Variants in LRP1B observed in about 807,000 individuals in gnomAD.
LRP1B encodes low-density lipoprotein receptor-related protein 1B.
Under a neutral mutation model 556.6 loss-of-function variants are expected in LRP1B, and 217 were observed. The ratio of observed to expected loss-of-function variants is 0.39; its 90% CI spans 0.35 to 0.44. LRP1B has a LOEUF of 0.44. Among genes scored for constraint, LRP1B ranks in the 20% least tolerant of loss-of-function variants. The probability of loss-of-function intolerance (pLI) is 1.00; values close to 1 mark genes in which losing one functional copy is unlikely to be tolerated. For missense variants in LRP1B, 5,053 were observed against 5,620.8 expected (o/e 0.90, Z 3.23); for synonymous variants, 2,047 against 1,865.8 (o/e 1.10, Z -2.50).
intron 41 of LRP1B, among the ~76,000 whole-genome samples, chr2:140,651,814 G>C (rs10496851): frequency 0.062 from 9,432 of 152,168 alleles, 338 homozygotes; most frequent in Admixed American, 0.078. Flanking sequence ...CGAGTGGAAT[G>C]AACAGCAAAT....
At chr2:141,329,643 C>CAAAAAA (rs71391650) in intron 3 of LRP1B, among the ~76,000 whole-genome samples, 2 of 28,974 alleles carry the variant, frequency 6.9e-5, no homozygotes, top group South Asian at 1.1e-3. Flanking sequence ...GACTCTGTCT[C>CAAAAAA]AAAAAAAAAA....
intron 66 of LRP1B, among the ~76,000 whole-genome samples, chr2:140,392,828 A>C (rs115342755): frequency 0.016 from 2,502 of 152,198 alleles, 30 homozygotes; most frequent in Non-Finnish European, 0.026. Flanking sequence ...TTTCTGTACC[A>C]CTTTTTATCT....
At chr2:141,969,072 C>T (rs544146562) in intron 1 of LRP1B, among the ~76,000 whole-genome samples, 2 of 151,152 alleles carry the variant, frequency 1.3e-5, no homozygotes, top group East Asian at 1.9e-4. Flanking sequence ...CCTGGCTTGG[C>T]AACCTGCAAG....
At chr2:140,417,728 G>A (rs1422831570) in intron 66 of LRP1B, among the ~76,000 whole-genome samples, 1 of 152,144 alleles carries the variant, frequency 6.6e-6, no homozygotes, top group African/African-American at 2.4e-5. Context: ...GCCCCTGAAT[G>A]TGAGTCTACA....
At chr2:141,637,827 A>G (rs1689159364) in intron 2 of LRP1B, among the ~76,000 whole-genome samples, 1 of 152,182 alleles carries the variant, frequency 6.6e-6, no homozygotes, top group Non-Finnish European at 1.5e-5. Flanking sequence ...GGAGATATGA[A>G]TCATGGGGGC....
intron 3 of LRP1B, among the ~76,000 whole-genome samples, chr2:141,390,380 A>C (rs1690005555): frequency 6.6e-6 from 1 of 152,214 alleles, no homozygotes; most frequent in Non-Finnish European, 1.5e-5. Flanking sequence ...GGAGTAAAAA[A>C]CGTTTGGCAC....
chr2:140,451,017 C>A (rs1197022340), intron 62 of LRP1B, among the ~76,000 whole-genome samples: 1 of 152,188 alleles, frequency 6.6e-6, no homozygotes, highest in Non-Finnish European at 1.5e-5. Flanking sequence ...TCTCAGCTAT[C>A]TGGAACCTCA....
intron 1 of LRP1B, among the ~76,000 whole-genome samples, chr2:142,018,740 T>G (rs1006981982): frequency 1.2e-4 from 18 of 151,934 alleles, no homozygotes; most frequent in African/African-American, 4.3e-4. Context: ...ACTGAATAAT[T>G]GCTGAATTAG....
chr2:141,043,386 C>A (rs1039866125), intron 11 of LRP1B, among the ~76,000 whole-genome samples: 1 of 151,776 alleles, frequency 6.6e-6, no homozygotes, highest in Admixed American at 6.6e-5. Context: ...TTCATCAATG[C>A]CACAACAAAA....
intron 23 of LRP1B, among the ~76,000 whole-genome samples, chr2:140,893,168 A>G (rs1369713487): frequency 6.6e-6 from 1 of 152,200 alleles, no homozygotes; most frequent in Non-Finnish European, 1.5e-5. Context: ...TTCAAAAGAT[A>G]AAGAGAGGAA....
Position 140,993,876 on chromosome 2 carries a change from T to C in LRP1B, c.2644+119A>G. 4.9e-6 allele frequency: 5 copies of C among 1,018,680 alleles called. No homozygotes were observed. In the Admixed American group the frequency reaches 1.3e-4, roughly 26 times the overall value. 63.1% of individuals were successfully genotyped at this position (1,018,680 alleles called of 1,614,324 possible). ...TTTATGCAAAAGGATGACTGAAAAA[T>C]TAAACTAGGTTCAATCTGCATCAAA... On this transcript the variant is annotated intron_variant, in intron 16 of 90. Coordinates refer to ENST00000389484, the MANE Select transcript of LRP1B (RefSeq NM_018557.3).
At chr2:140,953,765 A>G (rs1010705504) in intron 18 of LRP1B, among the ~76,000 whole-genome samples, 6 of 152,200 alleles carry the variant, frequency 3.9e-5, no homozygotes, top group African/African-American at 1.4e-4. Context: ...AATTATGTCC[A>G]ATCATTTTAG....
At chr2:140,722,122 ATG>A (rs1354081824) in intron 35 of LRP1B, among the ~76,000 whole-genome samples, 1 of 152,222 alleles carries the variant, frequency 6.6e-6, no homozygotes, top group Admixed American at 6.5e-5. Context: ...AAATTACAGT[ATG>A]TACTCTTTGG....
At chr2:140,931,481 G>GAAA (rs36035792) in intron 20 of LRP1B, among the ~76,000 whole-genome samples, 1 of 148,576 alleles carries the variant, frequency 6.7e-6, no homozygotes, top group African/African-American at 2.5e-5. Flanking sequence ...AATGATAAGT[G>GAAA]AAAAAAAAAA....
intron 5 of LRP1B, among the ~76,000 whole-genome samples, chr2:141,244,091 T>G (rs545036992): frequency 2.6e-5 from 4 of 152,308 alleles, no homozygotes; most frequent in African/African-American, 9.6e-5. Context: ...CATGATACTG[T>G]TCTATGTTGC....
At chr2:142,115,881 C>G (rs1707254279) in intron 1 of LRP1B, among the ~76,000 whole-genome samples, 1 of 114,950 alleles carries the variant, frequency 8.7e-6, no homozygotes, top group Non-Finnish European at 1.7e-5. Context: ...GGGGAAGTGA[C>G]AGCTCTTCCT....
chr2:142,091,561 A>G (rs572682186), intron 1 of LRP1B, among the ~76,000 whole-genome samples: 10 of 152,302 alleles, frequency 6.6e-5, no homozygotes, highest in African/African-American at 2.4e-4. Flanking sequence ...ATCAGGATCC[A>G]AATATGCAAT....
rs531888236 is a variant in LRP1B, at chr2:141,694,281, A to G, written c.205+115998T>C. ...AAAGGCTGGGCCTTGGGAGAGAAGC[A>G]GAAGTCAGATAAATGAAAGTGAAAA... On this transcript the variant is annotated intron_variant, in intron 2 of 90. Transcript: ENST00000389484. Among the ~76,000 whole-genome samples, 3 of 152,156 alleles carry G rather than the reference A, an allele frequency of 2.0e-5. No homozygotes were observed. In the South Asian group the frequency reaches 6.2e-4, roughly 32 times the overall value.
At chr2:140,344,469 T>C (rs35699793) in intron 77 of LRP1B, among the ~76,000 whole-genome samples, 3,620 of 80,582 alleles carry the variant, frequency 0.045, 135 homozygotes, top group Non-Finnish European at 0.071. Flanking sequence ...GCAAAGCTAA[T>C]ATAAAGTAGC....
Sources: allele counts gnomAD v4.1 joint callset (sites outside exome capture counted in the v4.1 genomes callset), GRCh38; gene constraint gnomAD v4.1.1; transcripts MANE v1.5; gene names NCBI Gene and HGNC (gene_info 2026-07-23, HGNC 2026-07-21).